Variants in ESR1 observed in about 807,000 individuals in gnomAD.
ESR1 encodes the protein estrogen receptor.
In ESR1, 12 loss-of-function variants were observed where a neutral mutation model predicts 52.7. The observed-to-expected ratio is 0.23, with a 90% CI of 0.15 to 0.37. The LOEUF is 0.37. Ranked by LOEUF, ESR1 falls within the 10% of genes least tolerant of loss-of-function variation. The pLI, the probability that ESR1 is intolerant of heterozygous loss-of-function variation, is 1.00. For synonymous variants in ESR1, 305 were observed against 316.8 expected, an observed-to-expected ratio of 0.96 and a Z score of 0.39; for missense variants, 584 against 779.7, an observed-to-expected ratio of 0.75 and a Z score of 2.99.
At chr6:152,107,141 C>A (rs1007730123), downstream of ESR1, among the ~76,000 whole-genome samples, 2 of 152,092 alleles carry the variant, frequency 1.3e-5, no homozygotes, top group Non-Finnish European at 2.9e-5. Context: ...TGTTTGTCAT[C>A]AAACTTGGGA....
At chr6:151,727,374 A>G (rs992549274) in intron 2 of ESR1, among the ~76,000 whole-genome samples, 4 of 151,594 alleles carry the variant, frequency 2.6e-5, no homozygotes, top group African/African-American at 9.7e-5. Flanking sequence ...GCTAATTTTT[A>G]TATTTTTAGT....
intron 5 of ESR1, among the ~76,000 whole-genome samples, chr6:152,054,838 C>T (rs1046180138): frequency 6.6e-6 from 1 of 152,144 alleles, no homozygotes; most frequent in Non-Finnish European, 1.5e-5. Flanking sequence ...TTTTGAGACC[C>T]ACATCAAATG....
chr6:151,718,070 G>A (rs547283497), intron 2 of ESR1, among the ~76,000 whole-genome samples: 1 of 152,206 alleles, frequency 6.6e-6, no homozygotes, highest in Admixed American at 6.5e-5. Flanking sequence ...ATGAATGAAT[G>A]AATAAGTGAA....
intron 6 of ESR1, among the ~76,000 whole-genome samples, chr6:152,065,713 A>G (rs2047912026): frequency 6.6e-6 from 1 of 152,016 alleles, no homozygotes; most frequent in African/African-American, 2.4e-5. Context: ...TGACTCCTCA[A>G]ACCTTCTCCA....
intron 1 of ESR1, among the ~76,000 whole-genome samples, chr6:151,842,110 T>A (rs1216776862): frequency 3.9e-5 from 6 of 152,234 alleles, no homozygotes; most frequent in African/African-American, 1.2e-4. Context: ...TCCAGGGTTA[T>A]GTGGCAATGA....
chr6:152,042,133 T>C (rs2045854500), intron 5 of ESR1, among the ~76,000 whole-genome samples: 1 of 152,196 alleles, frequency 6.6e-6, no homozygotes, highest in African/African-American at 2.4e-5. Flanking sequence ...TGATTTACTA[T>C]TTTTCTAGGT....
chr6:151,846,383 C>G (rs1050507366), intron 2 of ESR1, among the ~76,000 whole-genome samples: 1 of 152,154 alleles, frequency 6.6e-6, no homozygotes, highest in African/African-American at 2.4e-5. Flanking sequence ...TTAAGGGTTT[C>G]TAGTTCTGCT....
Position 152,100,193 on chromosome 6 carries a change from C to T in ESR1, c.*1227C>T. On this transcript the variant is annotated 3_prime_UTR_variant, in exon 8 of 8. Transcript: ENST00000206249. Reference sequence around the variant, plus strand: ...GGGGTAGTCCAGCTCTTCTTCATTTCCCAGCGTGGCCCTGGTTGGAAGAAG... The same window carrying T: ...GGGGTAGTCCAGCTCTTCTTCATTTTCCAGCGTGGCCCTGGTTGGAAGAAG... The T allele has an allele frequency of 2.5e-6, 1 of 397,318 alleles. No homozygotes were observed. The highest frequency in any genetic ancestry group is 4.4e-6 in the Non-Finnish European group (1 of 225,578). 24.6% of individuals were successfully genotyped at this position (397,318 alleles called of 1,614,324 possible).
intron 5 of ESR1, among the ~76,000 whole-genome samples, chr6:152,018,485 C>A (rs1203168014): frequency 6.6e-6 from 1 of 151,462 alleles, no homozygotes; most frequent in African/African-American, 2.4e-5. Context: ...TTTTGATTCA[C>A]ATGAAGAGTA....
intron 2 of ESR1, among the ~76,000 whole-genome samples, chr6:151,793,359 C>T (rs1776385660): frequency 6.6e-6 from 1 of 152,026 alleles, no homozygotes; most frequent in South Asian, 2.1e-4. Flanking sequence ...ATAATATGGG[C>T]TTCTGGAAGA....
chr6:151,875,680 T>C (rs1791686732), intron 2 of ESR1, among the ~76,000 whole-genome samples: 2 of 151,990 alleles, frequency 1.3e-5, no homozygotes, highest in Admixed American at 1.3e-4. Context: ...ACTTAGAAGA[T>C]GAGTAGGAGT....
At chr6:151,915,599 T>G (rs1448293641) in intron 3 of ESR1, among the ~76,000 whole-genome samples, 1 of 152,304 alleles carries the variant, frequency 6.6e-6, no homozygotes, top group East Asian at 1.9e-4. Flanking sequence ...GTACTAGGAC[T>G]TCAGAAAAAT....
intron 2 of ESR1, among the ~76,000 whole-genome samples, chr6:151,709,317 C>T (rs1051312149): frequency 6.6e-6 from 1 of 152,094 alleles, no homozygotes; most frequent in Non-Finnish European, 1.5e-5. Context: ...ATATTTTTCT[C>T]TTTTTTTAAG....
upstream of ESR1, chr6:151,804,927 C>A (rs1021713847): frequency 1.3e-5 from 2 of 152,242 alleles, no homozygotes; most frequent in African/African-American, 4.8e-5. Context: ...GTGAACGCCA[C>A]TGGGAAATGA....
chr6:151,904,889 T>C (rs185408680), intron 3 of ESR1, among the ~76,000 whole-genome samples: 32 of 152,310 alleles, frequency 2.1e-4, no homozygotes, highest in Non-Finnish European at 3.4e-4. Context: ...CTCATCTATA[T>C]TTGTTGTTAT....
chr6:151,986,566 C>T (rs2040502641), intron 4 of ESR1, among the ~76,000 whole-genome samples: 1 of 151,984 alleles, frequency 6.6e-6, no homozygotes, highest in African/African-American at 2.4e-5. Flanking sequence ...TTTTGTGGAC[C>T]AACTTGTTGT....
chr6:152,027,138 G>A (rs889259153), intron 5 of ESR1, among the ~76,000 whole-genome samples: 5 of 151,922 alleles, frequency 3.3e-5, no homozygotes, highest in Admixed American at 1.3e-4. Flanking sequence ...GGCTAATTTT[G>A]TATTTTTAGT....
chr6:151,681,547 T>G (rs1305107675), intron 1 of ESR1, among the ~76,000 whole-genome samples: 1 of 152,148 alleles, frequency 6.6e-6, no homozygotes, highest in Non-Finnish European at 1.5e-5. Context: ...GAAGCTGTTC[T>G]TGGACTATTT....
intron 1 of ESR1, chr6:151,813,218 T>A (rs78864300): frequency 7.0e-6 from 1 of 143,462 alleles, no homozygotes; most frequent in South Asian, 2.9e-4. Flanking sequence ...TTAGATCACC[T>A]CAAAAAATAT....
Sources: allele counts gnomAD v4.1 joint callset (sites outside exome capture counted in the v4.1 genomes callset), GRCh38; gene constraint gnomAD v4.1.1; transcripts MANE v1.5; gene names NCBI Gene and HGNC (gene_info 2026-07-23, HGNC 2026-07-21).